Variants in NXPH1 observed in about 807,000 individuals in gnomAD.
The protein encoded by NXPH1 is neurexophilin 1, also known as neurexophilin-1.
A neutral mutation model predicts 23.7 loss-of-function variants in NXPH1; 5 were observed. The observed-to-expected ratio is 0.21, with a 90% CI of 0.11 to 0.44. The LOEUF is 0.44. Ranked by LOEUF, NXPH1 falls within the 20% of genes least tolerant of loss-of-function variation. The pLI, the probability that NXPH1 is intolerant of heterozygous loss-of-function variation, is 0.99. For synonymous variants in NXPH1, 144 were observed against 122.2 expected, an observed-to-expected ratio of 1.18 and a Z score of -1.18; for missense variants, 324 against 321.6, an observed-to-expected ratio of 1.01 and a Z score of -0.06.
At chr7:8,719,355 A>G (rs1343692987) in intron 2 of NXPH1, among the ~76,000 whole-genome samples, 2 of 152,208 alleles carry the variant, frequency 1.3e-5, no homozygotes, top group African/African-American at 4.8e-5. Flanking sequence ...TGTCATTGAC[A>G]TAATAGAAAG....
chr7:8,571,018 T>TATCTAATCTAATCTAATCTA (rs35589510), intron 2 of NXPH1, among the ~76,000 whole-genome samples: 3 of 145,864 alleles, frequency 2.1e-5, no homozygotes, highest in African/African-American at 7.6e-5. Flanking sequence ...TCTGTCTGTC[T>TATCTAATCTAATCTAATCTA]ATCTAATCTA....
intron 2 of NXPH1, among the ~76,000 whole-genome samples, chr7:8,583,775 T>C (rs748877195): frequency 1.3e-5 from 2 of 152,148 alleles, no homozygotes; most frequent in African/African-American, 2.4e-5. Context: ...AGAGGGCAGG[T>C]AGTCCCCTCC....
intron 2 of NXPH1, among the ~76,000 whole-genome samples, chr7:8,598,579 TA>T (rs1404732438): frequency 6.6e-6 from 1 of 152,154 alleles, no homozygotes; most frequent in African/African-American, 2.4e-5. Context: ...TTTTCCATTT[TA>T]ATGTTGGAAT....
At chr7:8,554,271 T>C (rs1352593619) in intron 2 of NXPH1, among the ~76,000 whole-genome samples, 9 of 151,608 alleles carry the variant, frequency 5.9e-5, no homozygotes, top group Non-Finnish European at 1.3e-4. Context: ...AATACAATAA[T>C]AGCCAGGGGC....
chr7:8,690,574 T>C (rs1436508315), intron 2 of NXPH1, among the ~76,000 whole-genome samples: 1 of 152,242 alleles, frequency 6.6e-6, no homozygotes, highest in South Asian at 2.1e-4. Flanking sequence ...TCAGCATAGA[T>C]ACTTGTAAGT....
At chr7:8,721,766 G>C (rs1779974403) in intron 2 of NXPH1, among the ~76,000 whole-genome samples, 1 of 152,194 alleles carries the variant, frequency 6.6e-6, no homozygotes, top group Non-Finnish European at 1.5e-5. Flanking sequence ...AACATAGCGA[G>C]ACTCTGTCTC....
intron 2 of NXPH1, among the ~76,000 whole-genome samples, chr7:8,667,643 T>C (rs887574170): frequency 1.3e-5 from 2 of 152,130 alleles, no homozygotes; most frequent in African/African-American, 4.8e-5. Context: ...TTTTGGCAGA[T>C]TGTTTATAAT....
At chr7:8,582,199 C>A (rs887192343) in intron 2 of NXPH1, among the ~76,000 whole-genome samples, 1 of 152,182 alleles carries the variant, frequency 6.6e-6, no homozygotes, top group East Asian at 1.9e-4. Flanking sequence ...CTTGTAGATG[C>A]CGGGAATCAC....
In NXPH1 at chr7:8,676,812, T is replaced by A. The variant is rs556456242; in HGVS notation, c.55-74196T>A. ...ATACTGTTTGGGACCTATAGTTTTA[T>A]ACTCTGTTGTTTCAAATCTCATTAT... On this transcript the variant is annotated intron_variant, in intron 2 of 2. Transcript: ENST00000405863. Among the ~76,000 whole-genome samples the A allele has an allele frequency of 1.1e-4, 17 of 152,342 alleles. 2 individuals are homozygous for A. Among genetic ancestry groups the A allele is most frequent in the African/African-American group, 3.8e-4 (16 of 41,590 alleles).
At chr7:8,555,323 AGT>A (rs1818340335) in intron 2 of NXPH1, among the ~76,000 whole-genome samples, 1 of 151,662 alleles carries the variant, frequency 6.6e-6, no homozygotes, top group Non-Finnish European at 1.5e-5. Context: ...CCCATTTTGA[AGT>A]GTGTCTCTTT....
Position 8,607,880 on chromosome 7 carries a change from C to G in NXPH1, c.55-143128C>G, listed in dbSNP as rs1010321202. Among the ~76,000 whole-genome samples the G allele has an allele frequency of 8.5e-5, 13 of 152,320 alleles. No homozygotes were observed. In the East Asian group the frequency reaches 1.4e-3, roughly 16 times the overall value. On this transcript the variant is annotated intron_variant, in intron 2 of 2. Transcript: ENST00000405863. Reference sequence around the variant, plus strand: ...TACTGAAGTAAGGTGGACTCTTAATCCAATATGACTGGTGCCCTCGTGAGG... The same window carrying G: ...TACTGAAGTAAGGTGGACTCTTAATGCAATATGACTGGTGCCCTCGTGAGG...
intron 2 of NXPH1, among the ~76,000 whole-genome samples, chr7:8,460,008 A>G (rs117764352): frequency 0.026 from 3,953 of 152,272 alleles, 80 homozygotes; most frequent in Middle Eastern, 0.044. Flanking sequence ...TTACATTTCA[A>G]TGTGTGACCT....
At chr7:8,453,757 CT>C (rs1206226339) in intron 2 of NXPH1, among the ~76,000 whole-genome samples, 1 of 152,002 alleles carries the variant, frequency 6.6e-6, no homozygotes, top group African/African-American at 2.4e-5. Flanking sequence ...TGATCTTGTT[CT>C]TTTTTATGGC....
intron 2 of NXPH1, among the ~76,000 whole-genome samples, chr7:8,684,633 T>G (rs6977827): frequency 1.3e-5 from 2 of 152,098 alleles, no homozygotes; most frequent in East Asian, 3.9e-4. Context: ...AGAGACTGTT[T>G]GGAGAGGTTT....
Position 8,484,345 on chromosome 7 carries a change from G to A in NXPH1, c.54+48578G>A, listed in dbSNP as rs190077300. Among the ~76,000 whole-genome samples the A allele has an allele frequency of 2.0e-3, 308 of 151,900 alleles. 1 individual carries two copies. The highest frequency in any genetic ancestry group is 6.0e-3 in the African/African-American group (250 of 41,414). The stretch of plus-strand genomic sequence containing the variant: ...TTTTTGTGCTGGAAATACTTGGTCC[G>A]CTTTATTCACCGTAGCTGGTCTAGG... On this transcript the variant is annotated intron_variant, in intron 2 of 2. Coordinates refer to ENST00000405863, the MANE Select transcript of NXPH1 (RefSeq NM_152745.3).
At chr7:8,517,313 C>T (rs1332900153) in intron 2 of NXPH1, among the ~76,000 whole-genome samples, 2 of 152,056 alleles carry the variant, frequency 1.3e-5, no homozygotes, top group East Asian at 1.9e-4. Flanking sequence ...GGGTAAATAG[C>T]ATTTAACTGA....
chr7:8,608,640 C>G (rs1238160517), intron 2 of NXPH1, among the ~76,000 whole-genome samples: 3 of 151,978 alleles, frequency 2.0e-5, no homozygotes, highest in Non-Finnish European at 4.4e-5. Context: ...AGGTTTGCAT[C>G]TTCTTGATTT....
chr7:8,489,149 G>A (rs2189900), intron 2 of NXPH1, among the ~76,000 whole-genome samples: 71,334 of 151,822 alleles, frequency 0.47, 17,361 homozygotes, highest in East Asian at 0.78. Context: ...GCTGTGACGG[G>A]AGGGTAAAAT....
In NXPH1 at chr7:8,741,509, A is replaced by T. The variant is rs140591244; in HGVS notation, c.55-9499A>T. Among the ~76,000 whole-genome samples, 103 of 152,238 alleles carry T rather than the reference A, an allele frequency of 6.8e-4. 1 individual carries two copies. The highest frequency in any genetic ancestry group is 2.4e-3 in the African/African-American group (100 of 41,568). ...TTTTCCATAATCTCTCTACCAAGTT[A>T]TAATCCCATCCACAGTGTACAGCTG... On this transcript the variant is annotated intron_variant, in intron 2 of 2. Coordinates refer to ENST00000405863, the MANE Select transcript of NXPH1 (RefSeq NM_152745.3).
Sources: gnomAD v4.1 joint callset for allele counts (sites outside exome capture counted in the v4.1 genomes callset) on GRCh38, gnomAD v4.1.1 for gene constraint, MANE v1.5 for transcripts, NCBI Gene and HGNC (gene_info 2026-07-23, HGNC 2026-07-21) for gene names.